The following RAB30 variants were observed in gnomAD, a reference collection of about 807,000 sequenced individuals.
RAB30 encodes ras-related protein Rab-30.
Under a neutral mutation model 25.1 loss-of-function variants are expected in RAB30, and 9 were observed. The ratio of observed to expected loss-of-function variants is 0.36; its 90% CI spans 0.22 to 0.63. The LOEUF (loss-of-function observed/expected upper bound fraction) is 0.63, where lower values mean the gene tolerates loss of function less well. RAB30 is among the 20% of genes least tolerant of loss of function. The pLI is 0.69. For missense variants in RAB30, 140 were observed against 243.5 expected, an observed-to-expected ratio of 0.58 and a Z score of 2.83; for synonymous variants, 77 against 86.4, an observed-to-expected ratio of 0.89 and a Z score of 0.60.
At chr11:83,001,414 A>T (rs1445267540) in intron 1 of RAB30, among the ~76,000 whole-genome samples, 6 of 152,140 alleles carry the variant, frequency 3.9e-5, no homozygotes, top group Non-Finnish European at 2.9e-5. Context: ...TCCTGGCCTC[A>T]ATCAGTCCTT....
chr11:82,982,870 T>A (rs1471045603), intron 4 of RAB30, among the ~76,000 whole-genome samples: 3 of 151,652 alleles, frequency 2.0e-5, no homozygotes, highest in Non-Finnish European at 1.5e-5. Context: ...TCAAAAAAAA[T>A]AAATAAATAA....
chr11:82,982,894 T>G (rs1190963891), intron 4 of RAB30, among the ~76,000 whole-genome samples: 1 of 152,064 alleles, frequency 6.6e-6, no homozygotes, highest in Non-Finnish European at 1.5e-5. Flanking sequence ...ATGAGTGCCA[T>G]TCATAATGGC....
chr11:83,043,747 G>A (rs1302720560), intron 1 of RAB30, among the ~76,000 whole-genome samples: 2 of 152,092 alleles, frequency 1.3e-5, no homozygotes, highest in East Asian at 3.9e-4. Flanking sequence ...GTATTAATAT[G>A]TTTGTTTTAA....
At chr11:82,995,188 A>G (rs1487173885) in intron 2 of RAB30, among the ~76,000 whole-genome samples, 1 of 152,198 alleles carries the variant, frequency 6.6e-6, no homozygotes, top group Non-Finnish European at 1.5e-5. Context: ...GGACGTTATT[A>G]GTTCTGGCAA....
intron 1 of RAB30, among the ~76,000 whole-genome samples, chr11:83,014,833 G>T (rs1857400932): frequency 2.0e-5 from 3 of 148,588 alleles, no homozygotes; most frequent in African/African-American, 7.7e-5. Context: ...AGAGAGAAGG[G>T]AAAGGAAAGG....
At chr11:83,044,089 C>A (rs925982533) in intron 1 of RAB30, among the ~76,000 whole-genome samples, 2 of 152,114 alleles carry the variant, frequency 1.3e-5, no homozygotes, top group Non-Finnish European at 2.9e-5. Flanking sequence ...TTGAAAAGAA[C>A]AAAGCTTTGG....
At chr11:83,001,932 C>T (rs937817547) in intron 1 of RAB30, among the ~76,000 whole-genome samples, 6 of 152,154 alleles carry the variant, frequency 3.9e-5, no homozygotes, top group Admixed American at 3.3e-4. Context: ...GGGTACTCTT[C>T]TACATGTATT....
chr11:82,994,318 G>A (rs1248041268), intron 2 of RAB30, among the ~76,000 whole-genome samples, 196 bp from the exon 3 acceptor site: 2 of 152,290 alleles, frequency 1.3e-5, no homozygotes, highest in African/African-American at 2.4e-5. Context: ...AGAAAGGAGG[G>A]AGAAAGTGGG....
intron 1 of RAB30, among the ~76,000 whole-genome samples, chr11:82,999,667 T>G (rs1408495096): frequency 6.6e-6 from 1 of 152,180 alleles, no homozygotes. Context: ...GGGATTGCTT[T>G]TCTCCTTAGA....
chr11:83,017,126 C>T (rs539476059), intron 1 of RAB30, among the ~76,000 whole-genome samples: 1 of 152,100 alleles, frequency 6.6e-6, no homozygotes, highest in Non-Finnish European at 1.5e-5. Context: ...ATTACTTCAG[C>T]CTAGGAGTTC....
Position 83,056,987 on chromosome 11 carries a change from T to C in RAB30, c.-9+14704A>G, listed in dbSNP as rs1162929766. Among the ~76,000 whole-genome samples the C allele has an allele frequency of 2.0e-5, 3 of 152,218 alleles. No homozygotes were observed. In the East Asian group the frequency reaches 5.8e-4, roughly 29 times the overall value. On this transcript the variant is annotated intron_variant, in intron 1 of 4. Transcript: ENST00000527633. ...AGACCAAACAATCTGTGGCAGGTAA[T>C]AGTCAAAAAAGGACAGTTCCACAGC...
chr11:83,022,334 A>G (rs915267589), intron 1 of RAB30, among the ~76,000 whole-genome samples: 1 of 151,842 alleles, frequency 6.6e-6, no homozygotes, highest in Non-Finnish European at 1.5e-5. Flanking sequence ...TAATTTTTAA[A>G]TTTTTCTGGA....
At chr11:83,059,668 G>A (rs1858526848) in intron 1 of RAB30, among the ~76,000 whole-genome samples, 1 of 152,174 alleles carries the variant, frequency 6.6e-6, no homozygotes, top group African/African-American at 2.4e-5. Context: ...ATACGACCCT[G>A]GGAAAGTTAC....
At chr11:83,015,955 T>C (rs892880878) in intron 1 of RAB30, among the ~76,000 whole-genome samples, 1 of 152,072 alleles carries the variant, frequency 6.6e-6, no homozygotes, top group African/African-American at 2.4e-5. Flanking sequence ...TTGGGCAACA[T>C]GACGAAACCC....
Position 82,978,250 on chromosome 11 carries a change from A to G in RAB30, c.*3915T>C, listed in dbSNP as rs1856578448. On this transcript the variant is annotated 3_prime_UTR_variant, in exon 5 of 5. Coordinates refer to ENST00000527633, the MANE Select transcript of RAB30 (RefSeq NM_001286060.2). ...TGGAAAAAAAGGAATGGCAAACTCT[A>G]GAAGATCTCTCCCAGAGGCTAATAG... 1.3e-5 allele frequency: 2 copies of G among 152,220 alleles called. No individual in the cohort carries two copies. The highest frequency in any genetic ancestry group is 1.3e-4 in the Admixed American group (2 of 15,276). The allele number at this position is 152,220 out of a possible 1,614,324, so 9.4% of individuals were successfully genotyped here.
At chr11:83,000,209 T>A (rs911786253) in intron 1 of RAB30, among the ~76,000 whole-genome samples, 3 of 152,200 alleles carry the variant, frequency 2.0e-5, no homozygotes, top group Non-Finnish European at 4.4e-5. Context: ...AATCTGGCTG[T>A]CACATTCATG....
chr11:83,029,468 T>C (rs757643657), intron 1 of RAB30, among the ~76,000 whole-genome samples: 8 of 151,982 alleles, frequency 5.3e-5, no homozygotes, highest in Non-Finnish European at 1.0e-4. Context: ...AGTGGTGTCA[T>C]CATGGCTCAC....
intron 1 of RAB30, among the ~76,000 whole-genome samples, chr11:83,035,888 C>G (rs1857976354): frequency 6.6e-6 from 1 of 152,106 alleles, no homozygotes; most frequent in East Asian, 1.9e-4. Context: ...CACACACAGG[C>G]ACAACACACA....
At chr11:82,995,664 A>G (rs1053717890) in intron 2 of RAB30, among the ~76,000 whole-genome samples, 2 of 152,232 alleles carry the variant, frequency 1.3e-5, no homozygotes, top group Non-Finnish European at 2.9e-5. Context: ...GCAAAAAATT[A>G]CTGTTGAAAA....
Sources: gnomAD v4.1 joint callset for allele counts (sites outside exome capture counted in the v4.1 genomes callset) on GRCh38, gnomAD v4.1.1 for gene constraint, MANE v1.5 for transcripts, NCBI Gene and HGNC (gene_info 2026-07-23, HGNC 2026-07-21) for gene names.